CDH3: variants seen among roughly 807,000 people sequenced by gnomAD.
CDH3 encodes the protein cadherin-3.
A neutral mutation model predicts 82.0 loss-of-function variants in CDH3; 54 were observed. That is an observed-to-expected ratio of 0.66 (90% CI 0.53 to 0.83). CDH3 has a LOEUF of 0.83. CDH3 is among the 40% of genes least tolerant of loss of function. The pLI is 0.00. For missense variants in CDH3, 1,054 were observed against 1,084.6 expected (o/e 0.97, Z 0.40); for synonymous variants, 446 against 437.9 (o/e 1.02, Z -0.23).
intron 14 of CDH3, 48 bp from the exon 15 acceptor site, chr16:68,695,729 T>A: frequency 6.2e-7 from 1 of 1,604,376 alleles, no homozygotes; most frequent in Non-Finnish European, 8.5e-7. Context: ...GGCAGGGGAG[T>A]GGGGGACAGG....
At chr16:68,683,647 G>A (rs1170651745) in intron 9 of CDH3, among the ~76,000 whole-genome samples, 11 of 60,350 alleles carry the variant, frequency 1.8e-4, no homozygotes, top group Non-Finnish European at 2.9e-4. Flanking sequence ...GCAAGACTCT[G>A]TCTCAAAAAA....
At chr16:68,671,046 C>T (rs1356782147) in intron 2 of CDH3, among the ~76,000 whole-genome samples, 1 of 151,858 alleles carries the variant, frequency 6.6e-6, no homozygotes. Flanking sequence ...GCACTCCAGC[C>T]TGAGTAACAG....
chr16:68,678,328 T>C (rs1196043679), intron 4 of CDH3, 51 bp downstream of exon 4: 4 of 1,606,896 alleles, frequency 2.5e-6, no homozygotes, highest in Non-Finnish European at 2.6e-6. Context: ...GGGACCCCCA[T>C]CCAAAGGCCT....
At chr16:68,697,272 C>T (rs764000397) in intron 15 of CDH3, among the ~76,000 whole-genome samples, 6 of 149,190 alleles carry the variant, frequency 4.0e-5, no homozygotes, top group South Asian at 2.1e-4. Flanking sequence ...TGCAGTGAGC[C>T]GAGATCACAT....
Position 68,660,332 on chromosome 16 carries a change from C to T in CDH3, c.160+14582C>T, listed in dbSNP as rs573763786. On this transcript the variant is annotated intron_variant, in intron 2 of 15. Transcript: ENST00000264012. ...ATAGTTTCAAAAGCATATGAATTCA[C>T]CAAAAATCAAAAACTTTTAAATTGC... Among the ~76,000 whole-genome samples the T allele has an allele frequency of 4.6e-5, 7 of 152,272 alleles. No homozygotes were observed. The South Asian group carries it at 1.2e-3, about 27-fold the overall frequency.
chr16:68,645,793 G>A, intron 2 of CDH3, 43 bp downstream of exon 2: 1 of 1,456,982 alleles, frequency 6.9e-7, no homozygotes, highest in Non-Finnish European at 9.3e-7. Flanking sequence ...GGCCGCACGT[G>A]ACCATTTTGG....
intron 2 of CDH3, among the ~76,000 whole-genome samples, chr16:68,652,891 CATT>C (rs1960289966): frequency 6.6e-6 from 1 of 152,232 alleles, no homozygotes; most frequent in Non-Finnish European, 1.5e-5. Flanking sequence ...AGTTGATTCT[CATT>C]GTATAGTATT....
intron 2 of CDH3, among the ~76,000 whole-genome samples, chr16:68,658,981 A>G (rs1419600146): frequency 6.6e-6 from 1 of 152,166 alleles, no homozygotes; most frequent in Non-Finnish European, 1.5e-5. Flanking sequence ...AATACATGAA[A>G]ATATGTTCAC....
Position 68,679,056 on chromosome 16 carries a change from C to G in CDH3, c.691+150C>G, listed in dbSNP as rs141784395. The G allele has an allele frequency of 6.3e-3, 5,071 of 800,010 alleles. 25 individuals carry two copies. The highest frequency in any genetic ancestry group is 8.5e-3 in the Non-Finnish European group (4,224 of 497,548). 49.6% of individuals were successfully genotyped at this position (800,010 alleles called of 1,614,324 possible). Reference sequence around the variant, plus strand: ...ATTTCCCCCCTTCCATCCCAAGGTTCCTGAATAAGAATGATCCTAGAGCAG... The same window carrying G: ...ATTTCCCCCCTTCCATCCCAAGGTTGCTGAATAAGAATGATCCTAGAGCAG... On this transcript the variant is annotated intron_variant, in intron 6 of 15. Coordinates refer to ENST00000264012, the MANE Select transcript of CDH3 (RefSeq NM_001793.6).
intron 1 of CDH3, among the ~76,000 whole-genome samples, chr16:68,715,526 C>G (rs1962084704): frequency 6.6e-6 from 1 of 152,098 alleles, no homozygotes. Context: ...GTAGCCCGGG[C>G]ACACCCTGGA....
Position 68,678,227 on chromosome 16 carries a change from A to G in CDH3, c.340A>G (p.Ile114Val), listed in dbSNP as rs1281111224. ...RHKRDWVVAP[I>V]SVPENGKGPF... ...CAAGAGAGATTGGGTGGTTGCTCCA[A>G]TATCTGTCCCTGAAAATGGCAAGGG... Residue 114 changes from isoleucine (I) to valine (V), a missense_variant, in exon 4 of 16, where the codon ATA becomes GTA. Coordinates refer to ENST00000264012, the MANE Select transcript of CDH3 (RefSeq NM_001793.6). 1.2e-6 allele frequency: 2 copies of G among 1,614,122 alleles called. No individual in the cohort carries two copies. Among genetic ancestry groups the G allele is most frequent in the South Asian group, 1.1e-5 (1 of 91,078 alleles).
chr16:68,650,990 C>A, intron 2 of CDH3: 1 of 258,872 alleles, frequency 3.9e-6, no homozygotes. Context: ...AAAACCCAGA[C>A]AGGGAGACGA....
chr16:68,695,955 C>G (rs1961710552), intron 15 of CDH3, 32 bp downstream of exon 15: 1 of 1,611,550 alleles, frequency 6.2e-7, no homozygotes, highest in South Asian at 1.1e-5. Flanking sequence ...GAGGGCCACC[C>G]TTTATTCAAG....
rs988254276 is a variant in CDH3 at position 68,665,300 on chromosome 16, C to T, written c.161-11085C>T. On this transcript the variant is annotated intron_variant, in intron 2 of 15. Transcript: ENST00000264012. The stretch of plus-strand genomic sequence containing the variant: ...GCATGTGCCTGTAGTCCCAGCTACT[C>T]GGGAGGCTGAGGCAGGAGAATCACT... Among the ~76,000 whole-genome samples the T allele has an allele frequency of 7.2e-5, 11 of 151,918 alleles. 1 individual carries two copies. The highest frequency in any genetic ancestry group is 2.7e-4 in the African/African-American group (11 of 41,378).
intron 2 of CDH3, among the ~76,000 whole-genome samples, chr16:68,725,612 C>T (rs1474805146): frequency 2.0e-5 from 3 of 152,022 alleles, no homozygotes; most frequent in African/African-American, 4.8e-5. Flanking sequence ...GGATTACAGG[C>T]GTGAGCCACC....
At chr16:68,690,474 G>A (rs1169128778) in intron 12 of CDH3, among the ~76,000 whole-genome samples, 1 of 152,040 alleles carries the variant, frequency 6.6e-6, no homozygotes, top group East Asian at 1.9e-4. Context: ...CTAGCTGGGT[G>A]TAGTGGCGCA....
chr16:68,679,710 A>AG, intron 6 of CDH3, 89 bp from the exon 7 acceptor site: 1 of 766,984 alleles, frequency 1.3e-6, no homozygotes, highest in Non-Finnish European at 2.1e-6. Context: ...AAAAAAAAAA[A>AG]AAAAAAAAGA....
At chr16:68,723,673 G>A (rs1335261564) in intron 2 of CDH3, among the ~76,000 whole-genome samples, 1 of 152,218 alleles carries the variant, frequency 6.6e-6, no homozygotes, top group Admixed American at 6.5e-5. Flanking sequence ...GCTCACGCCT[G>A]TAATCTCAGC....
downstream of CDH3, among the ~76,000 whole-genome samples, chr16:68,703,459 C>T (rs933324313): frequency 3.3e-5 from 5 of 152,232 alleles, no homozygotes; most frequent in Non-Finnish European, 7.3e-5. Context: ...TTACAGCCCA[C>T]ACCCTGTGTG....
Sources: allele counts gnomAD v4.1 joint callset (sites outside exome capture counted in the v4.1 genomes callset), GRCh38; gene constraint gnomAD v4.1.1; transcripts MANE v1.5; gene names NCBI Gene and HGNC (gene_info 2026-07-23, HGNC 2026-07-21).